The following ADCY2 variants were observed in gnomAD, a reference collection of about 807,000 sequenced individuals.
The protein encoded by ADCY2 is adenylate cyclase 2.
ADCY2 carries 31 observed loss-of-function variants against 125.2 expected under a neutral mutation model. The observed-to-expected ratio is 0.25, with a 90% CI of 0.19 to 0.33. ADCY2 has a LOEUF of 0.33. ADCY2 is among the 10% of genes least tolerant of loss of function. ADCY2 has a pLI of 1.00. For synonymous variants in ADCY2, 512 were observed against 548.4 expected (o/e 0.93, Z 0.93); for missense variants, 904 against 1,418.2 (o/e 0.64, Z 5.82).
intron 2 of ADCY2, among the ~76,000 whole-genome samples, chr5:7,500,571 C>T (rs1743524287): frequency 6.6e-6 from 1 of 152,124 alleles, no homozygotes; most frequent in South Asian, 2.1e-4. Context: ...CACAAAATCC[C>T]AGTAAAATCA....
At chr5:7,561,788 A>G (rs10475378) in intron 3 of ADCY2, among the ~76,000 whole-genome samples, 56,724 of 152,026 alleles carry the variant, frequency 0.37, 11,321 homozygotes, top group African/African-American at 0.42. Context: ...AACTGTTCAT[A>G]TTGTTGCCAT....
At chr5:7,757,417 A>G (rs201296180) in intron 15 of ADCY2, 32 bp from the exon 16 acceptor site, 619 of 1,606,790 alleles carry the variant, frequency 3.9e-4, no homozygotes, top group Non-Finnish European at 5.0e-4. Flanking sequence ...TCAGCTAGCA[A>G]TGCTTCTCTT....
intron 12 of ADCY2, among the ~76,000 whole-genome samples, chr5:7,723,943 A>G (rs868260055): frequency 2.1e-5 from 3 of 143,974 alleles, no homozygotes; most frequent in Non-Finnish European, 3.0e-5. Context: ...AAAAAAAAAA[A>G]AGAGAAAAGA....
intron 5 of ADCY2, chr5:7,692,086 T>C (rs1740724188): frequency 6.6e-6 from 1 of 152,206 alleles, no homozygotes; most frequent in South Asian, 2.1e-4. Flanking sequence ...GAGATTTGGG[T>C]GGGGACACAA....
chr5:7,792,464 T>C (rs1314873044), intron 20 of ADCY2, among the ~76,000 whole-genome samples: 3 of 152,074 alleles, frequency 2.0e-5, no homozygotes, highest in African/African-American at 7.2e-5. Flanking sequence ...AGACATGGGC[T>C]CAGAGGAAAG....
intron 2 of ADCY2, among the ~76,000 whole-genome samples, chr5:7,448,684 A>G (rs756261601): frequency 6.6e-6 from 1 of 152,006 alleles, no homozygotes; most frequent in Non-Finnish European, 1.5e-5. Flanking sequence ...ACATGTGTCC[A>G]TGTGTTCTCA....
intron 3 of ADCY2, among the ~76,000 whole-genome samples, chr5:7,563,492 T>G (rs1201338390): frequency 6.6e-6 from 1 of 152,166 alleles, no homozygotes; most frequent in Non-Finnish European, 1.5e-5. Flanking sequence ...TGCTTCATTC[T>G]TAAGATCAAA....
chr5:7,447,848 T>A (rs1017037935), intron 2 of ADCY2, among the ~76,000 whole-genome samples: 8 of 152,026 alleles, frequency 5.3e-5, no homozygotes, highest in Non-Finnish European at 1.0e-4. Context: ...AAGAAAAGTG[T>A]CCAAAAGGCC....
chr5:7,622,485 A>G (rs1190771755), intron 3 of ADCY2, among the ~76,000 whole-genome samples: 1 of 152,242 alleles, frequency 6.6e-6, no homozygotes, highest in Non-Finnish European at 1.5e-5. Context: ...TCCTTTGAAT[A>G]TATAAATTAA....
intron 3 of ADCY2, among the ~76,000 whole-genome samples, chr5:7,542,285 TG>T (rs1267913380): frequency 6.6e-6 from 1 of 151,956 alleles, no homozygotes; most frequent in Admixed American, 6.6e-5. Flanking sequence ...AATGGCAGAC[TG>T]GGGATGAGTT....
At chr5:7,768,338 C>G (rs1460161746) in intron 17 of ADCY2, among the ~76,000 whole-genome samples, 1 of 152,158 alleles carries the variant, frequency 6.6e-6, no homozygotes, top group East Asian at 1.9e-4. Context: ...CCATTTGGAG[C>G]TCTCTTTTTT....
chr5:7,778,839 AG>A (rs1560983991), intron 18 of ADCY2, among the ~76,000 whole-genome samples: 1 of 152,254 alleles, frequency 6.6e-6, no homozygotes, highest in Non-Finnish European at 1.5e-5. Context: ...CACACAGGAA[AG>A]GTCAGGAAGA....
chr5:7,732,695 T>G (rs2126411705), intron 14 of ADCY2, among the ~76,000 whole-genome samples: 1 of 137,408 alleles, frequency 7.3e-6, no homozygotes, highest in South Asian at 2.6e-4. Flanking sequence ...GCTTTCTTTC[T>G]GGTAAATTGC....
At chr5:7,586,655 G>A (rs912796517) in intron 3 of ADCY2, among the ~76,000 whole-genome samples, 16 of 152,238 alleles carry the variant, frequency 1.1e-4, no homozygotes, top group East Asian at 3.9e-4. Flanking sequence ...GCAGCTCACC[G>A]GCTGTCTTTA....
intron 3 of ADCY2, among the ~76,000 whole-genome samples, chr5:7,592,127 T>C (rs1736865654): frequency 6.6e-6 from 1 of 152,260 alleles, no homozygotes; most frequent in Admixed American, 6.5e-5. Flanking sequence ...TTTCTTCTTA[T>C]TGCCTTTAGG....
At chr5:7,476,454 G>A (rs1348759622) in intron 2 of ADCY2, among the ~76,000 whole-genome samples, 4 of 152,274 alleles carry the variant, frequency 2.6e-5, no homozygotes, top group Admixed American at 2.0e-4. Context: ...AACAGAGCCC[G>A]AAACTCCTCA....
At chr5:7,748,012 C>T (rs1040817708) in intron 15 of ADCY2, among the ~76,000 whole-genome samples, 1 of 152,212 alleles carries the variant, frequency 6.6e-6, no homozygotes, top group African/African-American at 2.4e-5. Flanking sequence ...TCATGGCATC[C>T]TGCTCCGCAT....
At chr5:7,667,693 A>T (rs2126700768) in intron 4 of ADCY2, among the ~76,000 whole-genome samples, 1 of 152,316 alleles carries the variant, frequency 6.6e-6, no homozygotes, top group Non-Finnish European at 1.5e-5. Context: ...ACTTAACTAA[A>T]TTTTCATTGC....
chr5:7,802,034 T>G lies in ADCY2; in HGVS notation c.2629-184T>G. ...TGGTAGTGGCCTGAATCCAGCTCATTAGAAGCTTTCCCCTGAGAGCAGCGG... is the reference window on the plus strand; with the variant it reads ...TGGTAGTGGCCTGAATCCAGCTCATGAGAAGCTTTCCCCTGAGAGCAGCGG... On this transcript the variant is annotated intron_variant, in intron 20 of 24. Coordinates refer to ENST00000338316, the MANE Select transcript of ADCY2 (RefSeq NM_020546.3). The surrounding 1 kb of genome is among the most constrained non-coding windows in gnomAD (Gnocchi z 4.6). 3.3e-6 allele frequency: 2 copies of G among 604,804 alleles called. No individual in the cohort carries two copies. The highest frequency in any genetic ancestry group is 2.8e-6 in the Non-Finnish European group (1 of 353,676). 37.5% of individuals were successfully genotyped at this position (604,804 alleles called of 1,614,324 possible).
Sources: gnomAD v4.1 joint callset for allele counts (sites outside exome capture counted in the v4.1 genomes callset) on GRCh38, gnomAD v4.1.1 for gene constraint, Gnocchi (gnomAD v3.1) non-coding constraint, MANE v1.5 for transcripts, NCBI Gene and HGNC (gene_info 2026-07-23, HGNC 2026-07-21) for gene names.